The following PALLD variants were observed in gnomAD, a reference collection of about 807,000 sequenced individuals.
PALLD encodes palladin, cytoskeletal associated protein, also known as palladin.
A neutral mutation model predicts 123.5 loss-of-function variants in PALLD; 61 were observed. That is an observed-to-expected ratio of 0.49 (90% CI 0.40 to 0.61). PALLD has a LOEUF of 0.61. PALLD is among the 20% of genes least tolerant of loss of function. The probability of loss-of-function intolerance (pLI) is 0.00; values close to 1 mark genes in which losing one functional copy is unlikely to be tolerated. For missense variants in PALLD, 1,273 were observed against 1,377.0 expected, an observed-to-expected ratio of 0.92 and a Z score of 1.20; for synonymous variants, 465 against 496.4, an observed-to-expected ratio of 0.94 and a Z score of 0.84.
intron 2 of PALLD, among the ~76,000 whole-genome samples, chr4:168,629,567 T>C (rs2710849): frequency 0.33 from 50,480 of 152,010 alleles, 8,808 homozygotes; most frequent in African/African-American, 0.45. Flanking sequence ...CTCCCAAAGA[T>C]TGTAATTCAG....
chr4:168,920,517 A>G (rs1045567953), intron 17 of PALLD, among the ~76,000 whole-genome samples: 1 of 152,196 alleles, frequency 6.6e-6, no homozygotes, highest in African/African-American at 2.4e-5. Context: ...GTAGGGGGTA[A>G]AAAGGCCTTC....
At position 168,900,813 on chromosome 4, in the gene PALLD, G is replaced by A. The variant is rs569010387; in HGVS notation, c.2472+2099G>A. Reference sequence around the variant, plus strand: ...GTGTATTCACAACATGTTATCAAACGCATGTATTAAAAATAAATTTGTAGT... The same window carrying A: ...GTGTATTCACAACATGTTATCAAACACATGTATTAAAAATAAATTTGTAGT... On this transcript the variant is annotated intron_variant, in intron 14 of 21. Transcript: ENST00000505667. Among the ~76,000 whole-genome samples, 128 of 152,188 alleles carry A rather than the reference G, an allele frequency of 8.4e-4. 1 individual carries two copies. The highest frequency in any genetic ancestry group is 4.1e-3 in the South Asian group (20 of 4,824).
chr4:168,766,438 G>T (rs374739931), intron 10 of PALLD, among the ~76,000 whole-genome samples: 1 of 152,264 alleles, frequency 6.6e-6, no homozygotes, highest in East Asian at 1.9e-4. Flanking sequence ...AACTCAAATG[G>T]TAGTGTCATG....
At chr4:168,848,402 A>G (rs767101672) in intron 10 of PALLD, among the ~76,000 whole-genome samples, 7 of 152,194 alleles carry the variant, frequency 4.6e-5, no homozygotes, top group Non-Finnish European at 7.3e-5. Flanking sequence ...GCCATTGTTC[A>G]GTGCCTGTCA....
In PALLD at chr4:168,689,508, T is replaced by A. The variant is rs1782418517; in HGVS notation, c.1336-1095T>A. Among the ~76,000 whole-genome samples the A allele has an allele frequency of 5.0e-5, 7 of 140,256 alleles. No homozygotes were observed. In the South Asian group the frequency reaches 1.7e-3, roughly 33 times the overall value. The allele number at this position is 140,256 out of a possible 152,430, so 92.0% of individuals were successfully genotyped here. A position where few individuals can be genotyped will look rare whatever the true frequency, so the allele number is the denominator to read the frequency against. On this transcript the variant is annotated intron_variant, in intron 6 of 21. Transcript: ENST00000505667. ...TGTCACCCAGGCTGAAGTGCAATGG[T>A]GTGATCTTGGCTCACTGCAACCTCT...
chr4:168,557,850 T>C (rs1183999167), intron 2 of PALLD, among the ~76,000 whole-genome samples: 1 of 152,132 alleles, frequency 6.6e-6, no homozygotes, highest in Non-Finnish European at 1.5e-5. Flanking sequence ...GATTCCCTCC[T>C]GCTGTTAATC....
chr4:168,541,179 G>T (rs1765574326), intron 2 of PALLD, among the ~76,000 whole-genome samples: 2 of 152,322 alleles, frequency 1.3e-5, no homozygotes, highest in South Asian at 4.1e-4. Flanking sequence ...GAATTATTCA[G>T]GGCTCAAGAT....
At chr4:168,866,620 T>C (rs1430996264) in intron 10 of PALLD, among the ~76,000 whole-genome samples, 1 of 152,218 alleles carries the variant, frequency 6.6e-6, no homozygotes, top group East Asian at 1.9e-4. Context: ...AGACCAACCA[T>C]TCATTAGTTT....
At chr4:168,614,998 C>T (rs1423618443) in intron 2 of PALLD, among the ~76,000 whole-genome samples, 1 of 152,010 alleles carries the variant, frequency 6.6e-6, no homozygotes, top group African/African-American at 2.4e-5. Flanking sequence ...TAGCTAGAGC[C>T]AATAAGCCCC....
intron 2 of PALLD, among the ~76,000 whole-genome samples, chr4:168,620,380 G>A (rs968624066): frequency 5.9e-5 from 9 of 152,108 alleles, no homozygotes; most frequent in Non-Finnish European, 5.9e-5. Context: ...GCTTGAACTC[G>A]GGAGGCAGAG....
chr4:168,898,373 G>GT lies in PALLD; in HGVS notation c.2251-115dup, dbSNP rs1284978035. 5.9e-5 allele frequency: 43 copies of GT among 731,010 alleles called. 1 individual carries two copies. In the South Asian group the frequency reaches 5.9e-4, roughly 10 times the overall value. The allele number at this position is 731,010 out of a possible 1,614,324, so 45.3% of individuals were successfully genotyped here. A position where few individuals can be genotyped will look rare whatever the true frequency, so the allele number is the denominator to read the frequency against. On this transcript the variant is annotated intron_variant, in intron 13 of 21. Coordinates refer to ENST00000505667, the MANE Select transcript of PALLD (RefSeq NM_001166108.2). ...TGCAATTGAATTGGGCTCAGACTGTGTTTTTAAGCTGTATGGTAAAAATAT... is the reference window on the plus strand; with the variant it reads ...TGCAATTGAATTGGGCTCAGACTGTGTTTTTTAAGCTGTATGGTAAAAATAT...
intron 10 of PALLD, among the ~76,000 whole-genome samples, chr4:168,785,846 G>GATAGATATATATATATATAT (rs1554082460): frequency 1.2e-5 from 1 of 80,898 alleles, no homozygotes; most frequent in Non-Finnish European, 2.8e-5. Flanking sequence ...AAACTGTAGA[G>GATAGATATATATATATATAT]ATATATATAT....
chr4:168,589,033 G>T (rs1207397393), intron 2 of PALLD, among the ~76,000 whole-genome samples: 2 of 152,166 alleles, frequency 1.3e-5, no homozygotes, highest in Admixed American at 6.5e-5. Context: ...TAAAACACTA[G>T]GTAATAGGAC....
chr4:168,665,972 C>G (rs6822472), intron 2 of PALLD, among the ~76,000 whole-genome samples: 32,077 of 130,036 alleles, frequency 0.25, 3,737 homozygotes, highest in Admixed American at 0.31. Flanking sequence ...GTTCCCCGCC[C>G]CCCACCAAAA....
intron 2 of PALLD, among the ~76,000 whole-genome samples, chr4:168,565,762 G>A (rs889661255): frequency 2.6e-5 from 4 of 151,984 alleles, no homozygotes; most frequent in Admixed American, 6.6e-5. Context: ...CCCACTTCAT[G>A]AAAAAGAAGA....
At chr4:168,693,660 C>T (rs1481989261) in intron 8 of PALLD, among the ~76,000 whole-genome samples, 1 of 152,160 alleles carries the variant, frequency 6.6e-6, no homozygotes, top group Non-Finnish European at 1.5e-5. Context: ...AGAAATATTT[C>T]TAGCAAATCT....
chr4:168,845,885 A>G (rs1226783520), intron 10 of PALLD, among the ~76,000 whole-genome samples: 2 of 152,200 alleles, frequency 1.3e-5, no homozygotes, highest in Non-Finnish European at 2.9e-5. Flanking sequence ...ACTTTTGCCA[A>G]TTGTTATACT....
chr4:168,583,474 G>A (rs1770497153), intron 2 of PALLD, among the ~76,000 whole-genome samples: 1 of 152,146 alleles, frequency 6.6e-6, no homozygotes, highest in Non-Finnish European at 1.5e-5. Context: ...AGAGCTCCCA[G>A]GGAGTACTGA....
intron 8 of PALLD, among the ~76,000 whole-genome samples, chr4:168,708,771 A>G (rs1292161518): frequency 6.6e-6 from 1 of 152,168 alleles, no homozygotes; most frequent in African/African-American, 2.4e-5. Flanking sequence ...GGTATGTATT[A>G]TCCCCATTTT....
Sources: allele counts gnomAD v4.1 joint callset (sites outside exome capture counted in the v4.1 genomes callset), GRCh38; gene constraint gnomAD v4.1.1; transcripts MANE v1.5; gene names NCBI Gene and HGNC (gene_info 2026-07-23, HGNC 2026-07-21).